RAB30: variants seen among roughly 807,000 people sequenced by gnomAD.
The protein encoded by RAB30 is ras-related protein Rab-30.
Under a neutral mutation model 25.1 loss-of-function variants are expected in RAB30, and 9 were observed. That is an observed-to-expected ratio of 0.36 (90% CI 0.22 to 0.63). The LOEUF (loss-of-function observed/expected upper bound fraction) is 0.63, where lower values mean the gene tolerates loss of function less well. RAB30 is among the 20% of genes least tolerant of loss of function. The pLI is 0.69. For missense variants in RAB30, 140 were observed against 243.5 expected (o/e 0.58, Z 2.83); for synonymous variants, 77 against 86.4 (o/e 0.89, Z 0.60).
chr11:83,047,614 G>A (rs1048850851), intron 1 of RAB30, among the ~76,000 whole-genome samples: 96 of 152,194 alleles, frequency 6.3e-4, no homozygotes, highest in African/African-American at 2.2e-3. Flanking sequence ...CAAGGTAAAA[G>A]AAAAAATAAA....
rs973498448 is a variant in RAB30, at chr11:82,978,747, T to G, written c.*3418A>C. 1 of 152,212 alleles carries G rather than the reference T, an allele frequency of 6.6e-6. No homozygotes were observed. Among genetic ancestry groups the G allele is most frequent in the African/African-American group, 2.4e-5 (1 of 41,454 alleles). The allele number at this position is 152,212 out of a possible 1,614,324, so 9.4% of individuals were successfully genotyped here. ...TCCTCCCAAGGCATATATTCATGAA[T>G]GAAAGAAGATAAGAACCCAGTCCTT... On this transcript the variant is annotated 3_prime_UTR_variant, in exon 5 of 5. Coordinates refer to ENST00000527633, the MANE Select transcript of RAB30 (RefSeq NM_001286060.2).
chr11:82,985,810 C>T (rs2121437382), intron 4 of RAB30, among the ~76,000 whole-genome samples: 1 of 150,748 alleles, frequency 6.6e-6, no homozygotes, highest in South Asian at 2.1e-4. Context: ...CTTCTGGGCT[C>T]AGGTGATCCT....
chr11:82,994,915 A>C (rs949241766), intron 2 of RAB30, among the ~76,000 whole-genome samples: 1 of 152,246 alleles, frequency 6.6e-6, no homozygotes, highest in Non-Finnish European at 1.5e-5. Context: ...CTGGGCCTCA[A>C]ATTCAATGAG....
intron 3 of RAB30, 40 bp downstream of exon 3, chr11:82,993,999 C>A (rs1252056777): frequency 6.7e-7 from 1 of 1,487,882 alleles, no homozygotes; most frequent in South Asian, 1.2e-5. Context: ...TAACCTCTCA[C>A]ATAGCACCTG....
At chr11:83,021,949 A>G (rs1857588703) in intron 1 of RAB30, among the ~76,000 whole-genome samples, 1 of 152,266 alleles carries the variant, frequency 6.6e-6, no homozygotes, top group Non-Finnish European at 1.5e-5. Flanking sequence ...GACAGATCAT[A>G]TATTTTATGT....
Position 82,982,131 on chromosome 11 carries a change from T to C in RAB30, c.*34A>G, listed in dbSNP as rs776994210. The C allele has an allele frequency of 3.1e-6, 5 of 1,612,768 alleles. No individual in the cohort carries two copies. Among genetic ancestry groups the C allele is most frequent in the Admixed American group, 3.3e-5 (2 of 59,998 alleles). ...AGCATCTCATGGCCCATCAGGGCAGTTGCTGATTCCTTTTCTTCTCCGTGC... is the reference window on the plus strand; with the variant it reads ...AGCATCTCATGGCCCATCAGGGCAGCTGCTGATTCCTTTTCTTCTCCGTGC... On this transcript the variant is annotated 3_prime_UTR_variant, in exon 5 of 5. Transcript: ENST00000527633.
At chr11:83,025,571 C>T (rs1857691187) in intron 1 of RAB30, among the ~76,000 whole-genome samples, 1 of 152,180 alleles carries the variant, frequency 6.6e-6, no homozygotes, top group East Asian at 1.9e-4. Context: ...CTGAATTATC[C>T]AGTCTGAGAG....
chr11:82,984,791 G>A (rs1327269300), intron 4 of RAB30, among the ~76,000 whole-genome samples: 2 of 152,106 alleles, frequency 1.3e-5, no homozygotes, highest in South Asian at 2.1e-4. Context: ...TTCCAGGTCT[G>A]GGGCAGGAAA....
chr11:82,986,610 G>A (rs1590834270), intron 4 of RAB30, among the ~76,000 whole-genome samples: 1 of 152,184 alleles, frequency 6.6e-6, no homozygotes, highest in Admixed American at 6.5e-5. Context: ...GCAGCCTGAA[G>A]GAAAAGTCCA....
intron 1 of RAB30, among the ~76,000 whole-genome samples, chr11:83,017,390 T>C (rs919328417): frequency 6.6e-6 from 1 of 152,160 alleles, no homozygotes; most frequent in Admixed American, 6.6e-5. Context: ...TTTAAATTTC[T>C]TTTATTTAAA....
In RAB30 at chr11:82,997,211, C is replaced by A. The variant is rs899617688; in HGVS notation, c.93+13G>T. The A allele has an allele frequency of 1.9e-6, 3 of 1,593,288 alleles. No individual in the cohort carries two copies. The highest frequency in any genetic ancestry group is 2.6e-6 in the Non-Finnish European group (3 of 1,161,154). ...AACCCTGGGCTTACGAGTTCCCTTA[C>A]GAGTTCCCTTACCTGAGTGAATCTT... On this transcript the variant is annotated intron_variant, in intron 2 of 4. Transcript: ENST00000527633.
At position 82,980,683 on chromosome 11, in the gene RAB30, C is replaced by CACTGAAG. The variant is rs1856621632; in HGVS notation, c.*1481_*1482insCTTCAGT. 1 of 152,196 alleles carries CACTGAAG rather than the reference C, an allele frequency of 6.6e-6. No individual in the cohort carries two copies. Among genetic ancestry groups the CACTGAAG allele is most frequent in the Non-Finnish European group, 1.5e-5 (1 of 68,034 alleles). 9.4% of individuals were successfully genotyped at this position (152,196 alleles called of 1,614,324 possible). A position where few individuals can be genotyped will look rare whatever the true frequency, so the allele number is the denominator to read the frequency against. On this transcript the variant is annotated 3_prime_UTR_variant, in exon 5 of 5. Coordinates refer to ENST00000527633, the MANE Select transcript of RAB30 (RefSeq NM_001286060.2). ...TATCAGTGAACAAATTGGAAGCTAT[C>CACTGAAG]AAAGTATGGCACTGAAGAAAAAGAA...
At chr11:83,053,363 A>T (rs761934464) in intron 1 of RAB30, among the ~76,000 whole-genome samples, 20 of 152,224 alleles carry the variant, frequency 1.3e-4, no homozygotes, top group Non-Finnish European at 2.2e-4. Context: ...TGCTCAATTA[A>T]TGGTTAGTGC....
intron 1 of RAB30, among the ~76,000 whole-genome samples, chr11:83,055,129 C>T (rs1858431810): frequency 6.6e-6 from 1 of 152,210 alleles, no homozygotes; most frequent in Admixed American, 6.5e-5. Context: ...GTCACAATTT[C>T]TGCATCTGCA....
At chr11:83,021,733 C>G (rs998806236) in intron 1 of RAB30, among the ~76,000 whole-genome samples, 1 of 152,232 alleles carries the variant, frequency 6.6e-6, no homozygotes, top group African/African-American at 2.4e-5. Context: ...AAGGCGCCAC[C>G]GGCCACAGGT....
intron 1 of RAB30, among the ~76,000 whole-genome samples, chr11:83,023,925 A>C (rs1417388999): frequency 5.3e-5 from 8 of 152,082 alleles, no homozygotes; most frequent in Admixed American, 4.6e-4. Flanking sequence ...CCCATCTCCC[A>C]TACAGAGGTC....
intron 1 of RAB30, among the ~76,000 whole-genome samples, chr11:83,069,017 A>G (rs1858770228): frequency 6.6e-6 from 1 of 152,268 alleles, no homozygotes. Flanking sequence ...TGCTCAATCA[A>G]TATAAATTGT....
At chr11:83,058,587 G>C (rs530221799) in intron 1 of RAB30, among the ~76,000 whole-genome samples, 1 of 152,242 alleles carries the variant, frequency 6.6e-6, no homozygotes, top group Non-Finnish European at 1.5e-5. Context: ...AATGCCACAC[G>C]AGTGATACTG....
At chr11:83,064,504 T>C (rs967084870) in intron 1 of RAB30, among the ~76,000 whole-genome samples, 2 of 152,218 alleles carry the variant, frequency 1.3e-5, no homozygotes. Context: ...TCCTCCTGCA[T>C]TGCTCCCTCT....
Sources: gnomAD v4.1 joint callset for allele counts (sites outside exome capture counted in the v4.1 genomes callset) on GRCh38, gnomAD v4.1.1 for gene constraint, MANE v1.5 for transcripts, NCBI Gene and HGNC (gene_info 2026-07-23, HGNC 2026-07-21) for gene names.